The following DENND2B variants were observed in gnomAD, a reference collection of about 807,000 sequenced individuals.
The protein encoded by DENND2B is DENN domain-containing protein 2B.
In DENND2B, 32 loss-of-function variants were observed where a neutral mutation model predicts 116.0. The ratio of observed to expected loss-of-function variants is 0.28; its 90% CI spans 0.21 to 0.37. The LOEUF is 0.37. Ranked by LOEUF, DENND2B falls within the 10% of genes least tolerant of loss-of-function variation. The pLI is 1.00. For synonymous variants in DENND2B, 588 were observed against 583.9 expected, an observed-to-expected ratio of 1.01 and a Z score of -0.10; for missense variants, 1,276 against 1,477.7, an observed-to-expected ratio of 0.86 and a Z score of 2.24.
Position 8,697,525 on chromosome 11 carries a change from C to T in DENND2B, c.3052G>A (p.Glu1018Lys), listed in dbSNP as rs766072002. The stretch of plus-strand genomic sequence containing the variant: ...GACCGTGCCCGGGCACTATTCTCAC[C>T]ATCGTCGGAGTCGCTGTCAGAGTCC... ...SQDSDSDSDD[E>K]CNTLNGLVSE... The change falls in exon 17 of 20, where the codon GAA (glutamate) becomes AAA (lysine). Residue 1018 changes from glutamate (E) to lysine (K), a missense_variant and splice_region_variant. By Grantham distance (56) the Glu-to-Lys change is moderately conservative (BLOSUM62 1). Coordinates refer to ENST00000313726, the MANE Select transcript of DENND2B (RefSeq NM_213618.2). The T allele has an allele frequency of 6.2e-7, 1 of 1,613,378 alleles. No individual in the cohort carries two copies. Among genetic ancestry groups the T allele is most frequent in the Non-Finnish European group, 8.5e-7 (1 of 1,179,338 alleles).
chr11:8,726,674 T>C (rs1375617312), intron 3 of DENND2B, among the ~76,000 whole-genome samples: 1 of 152,222 alleles, frequency 6.6e-6, no homozygotes, highest in African/African-American at 2.4e-5. Context: ...GAGAAGTGTC[T>C]GTGATTCCAC....
intron 4 of DENND2B, among the ~76,000 whole-genome samples, chr11:8,817,000 A>G (rs1314689633): frequency 6.6e-6 from 1 of 152,166 alleles, no homozygotes; most frequent in East Asian, 1.9e-4. Context: ...ACCAATGAAC[A>G]GTAGCCTTTT....
chr11:8,743,229 A>G (rs1424696415), intron 2 of DENND2B, among the ~76,000 whole-genome samples: 2 of 151,964 alleles, frequency 1.3e-5, no homozygotes, highest in Non-Finnish European at 2.9e-5. Flanking sequence ...AAAAATCTAA[A>G]GTGAGACTGA....
At chr11:8,859,474 A>AT (rs771191049) in intron 2 of DENND2B, among the ~76,000 whole-genome samples, 34 of 150,688 alleles carry the variant, frequency 2.3e-4, no homozygotes, top group Non-Finnish European at 4.6e-4. Flanking sequence ...CGCCCGGCTA[A>AT]TTTTTTGTAT....
chr11:8,782,051 C>T (rs989393096), intron 1 of DENND2B, among the ~76,000 whole-genome samples: 4 of 152,222 alleles, frequency 2.6e-5, no homozygotes, highest in Non-Finnish European at 5.9e-5. Context: ...CTCCCCACCA[C>T]ATCACTTCCA....
At chr11:8,714,854 C>G in intron 6 of DENND2B, 148 bp from the exon 7 acceptor site, 1 of 644,574 alleles carries the variant, frequency 1.6e-6, no homozygotes, top group South Asian at 1.9e-5. Context: ...AACTGCAGAA[C>G]CGACCTCAAG....
intron 1 of DENND2B, among the ~76,000 whole-genome samples, chr11:8,778,503 C>T (rs534994117): frequency 5.9e-4 from 90 of 152,330 alleles, no homozygotes; most frequent in African/African-American, 2.1e-3. Context: ...ATTTATACTA[C>T]CCATGTCTGT....
intron 1 of DENND2B, among the ~76,000 whole-genome samples, chr11:8,774,877 A>ATTTTTTTT (rs1565919434): frequency 7.0e-6 from 1 of 143,730 alleles, no homozygotes; most frequent in Non-Finnish European, 1.5e-5. Context: ...TTTTTTTTTA[A>ATTTTTTTT]TTATTATTTT....
chr11:8,843,762 A>T (rs1320676317), intron 3 of DENND2B, among the ~76,000 whole-genome samples: 1 of 152,078 alleles, frequency 6.6e-6, no homozygotes, highest in African/African-American at 2.4e-5. Flanking sequence ...GTTGATCCTG[A>T]TATTCTCTAC....
intron 2 of DENND2B, among the ~76,000 whole-genome samples, chr11:8,734,186 T>C (rs1592900438): frequency 6.6e-6 from 1 of 152,364 alleles, no homozygotes; most frequent in East Asian, 1.9e-4. Flanking sequence ...TTTCTGATTC[T>C]ACCTCTTATT....
intron 1 of DENND2B, among the ~76,000 whole-genome samples, chr11:8,904,672 G>C (rs1173754997): frequency 1.3e-5 from 2 of 151,972 alleles, no homozygotes; most frequent in Admixed American, 6.6e-5. Flanking sequence ...AAATCCTAAA[G>C]AATCCACAAA....
chr11:8,800,723 G>A (rs1044713612), intron 1 of DENND2B, among the ~76,000 whole-genome samples: 1 of 152,116 alleles, frequency 6.6e-6, no homozygotes, highest in African/African-American at 2.4e-5. Context: ...TCAGAGCTTT[G>A]GTAGCACTCA....
chr11:8,871,665 C>G (rs970704719), upstream of DENND2B, among the ~76,000 whole-genome samples: 1 of 152,176 alleles, frequency 6.6e-6, no homozygotes, highest in Admixed American at 6.5e-5. Flanking sequence ...TCCCAAAGCA[C>G]TAGGGTTCCA....
At chr11:8,759,849 G>C (rs868448321) in intron 1 of DENND2B, among the ~76,000 whole-genome samples, 1 of 152,220 alleles carries the variant, frequency 6.6e-6, no homozygotes, top group Non-Finnish European at 1.5e-5. Flanking sequence ...CAGCTCCCCA[G>C]AGGAGGGCTG....
intron 1 of DENND2B, among the ~76,000 whole-genome samples, chr11:8,804,121 T>C (rs907405971): frequency 1.1e-4 from 16 of 152,198 alleles, no homozygotes; most frequent in Non-Finnish European, 1.9e-4. Context: ...AAGGACTACC[T>C]CAGACTCAGG....
upstream of DENND2B, chr11:8,810,798 T>TTCTCTCTCTCTCTCTCTC (rs2061326871): frequency 2.2e-5 from 3 of 134,758 alleles, 1 homozygote. Context: ...TTTTCTTTCT[T>TTCTCTCTCTCTCTCTCTC]TCTCACTGTC....
rs527723675 is a variant in DENND2B at position 8,854,756 on chromosome 11, AG to A, written c.-156+2586del. 2.2e-4 allele frequency among the ~76,000 whole-genome samples: 33 copies of A among 152,224 alleles called. 1 individual carries two copies. In the East Asian group the frequency reaches 6.4e-3, roughly 30 times the overall value. ...CAGACAGAGTCTCACTCTGCCACCC[AG>A]GCTGGAGTGCAAAGGCATGATCTCG... On this transcript the variant is annotated intron_variant, in intron 3 of 6. Transcript: ENST00000524757.
chr11:8,747,843 A>G (rs992261608), intron 2 of DENND2B, among the ~76,000 whole-genome samples: 16 of 152,230 alleles, frequency 1.1e-4, no homozygotes, highest in Non-Finnish European at 1.6e-4. Context: ...GCAAAGGAAA[A>G]GGAAGGGAAT....
chr11:8,758,749 C>G (rs2054054758), intron 1 of DENND2B, among the ~76,000 whole-genome samples: 1 of 152,162 alleles, frequency 6.6e-6, no homozygotes, highest in Non-Finnish European at 1.5e-5. Flanking sequence ...CCGCGGCTCC[C>G]TCCACCGCAG....
Sources: gnomAD v4.1 joint callset for allele counts (sites outside exome capture counted in the v4.1 genomes callset) on GRCh38, gnomAD v4.1.1 for gene constraint, MANE v1.5 for transcripts, NCBI Gene and HGNC (gene_info 2026-07-23, HGNC 2026-07-21) for gene names.